Variants in PPP2R2B observed in about 807,000 individuals in gnomAD.
PPP2R2B encodes protein phosphatase 2 regulatory subunit Bbeta.
In PPP2R2B, 5 loss-of-function variants were observed where a neutral mutation model predicts 46.0. The observed-to-expected ratio is 0.11, with a 90% CI of 0.06 to 0.23. The LOEUF is 0.23. PPP2R2B is among the 10% of genes least tolerant of loss of function. The pLI, the probability that PPP2R2B is intolerant of heterozygous loss-of-function variation, is 1.00. For missense variants in PPP2R2B, 367 were observed against 575.0 expected (o/e 0.64, Z 3.70); for synonymous variants, 215 against 206.7 (o/e 1.04, Z -0.34).
chr5:146,744,220 C>T lies in PPP2R2B; in HGVS notation c.71-43078G>A, dbSNP rs187400429. Reference sequence around the variant, plus strand: ...CTCCCACACCATCCCCTGCCCCCACCCTTTTAAATAAAAGAGGTTATTTGT... The same window carrying T: ...CTCCCACACCATCCCCTGCCCCCACTCTTTTAAATAAAAGAGGTTATTTGT... On this transcript the variant is annotated intron_variant, in intron 2 of 9. Coordinates refer to ENST00000394411, the MANE Select transcript of PPP2R2B (RefSeq NM_181675.4). Among the ~76,000 whole-genome samples, 32 of 152,218 alleles carry T rather than the reference C, an allele frequency of 2.1e-4. No homozygotes were observed. The East Asian group carries it at 5.6e-3, about 27-fold the overall frequency.
chr5:146,968,423 G>A (rs1752531452), intron 1 of PPP2R2B, among the ~76,000 whole-genome samples: 1 of 152,166 alleles, frequency 6.6e-6, no homozygotes, highest in Admixed American at 6.5e-5. Flanking sequence ...TAGATACAGT[G>A]GGGTGCTGGT....
upstream of PPP2R2B, among the ~76,000 whole-genome samples, chr5:146,881,113 T>C (rs539312313): frequency 6.6e-6 from 1 of 152,254 alleles, no homozygotes; most frequent in Non-Finnish European, 1.5e-5. Flanking sequence ...GAGATCAGTC[T>C]TCAAAAGACT....
intron 9 of PPP2R2B, among the ~76,000 whole-genome samples, chr5:146,591,658 T>TAAGA (rs1335316571): frequency 3.9e-5 from 4 of 102,818 alleles, no homozygotes; most frequent in East Asian, 5.1e-4. Context: ...TTTAAACAAG[T>TAAGA]AAGAGATTAT....
intron 2 of PPP2R2B, among the ~76,000 whole-genome samples, chr5:146,874,075 C>T (rs542502122): frequency 1.3e-5 from 2 of 152,362 alleles, no homozygotes; most frequent in African/African-American, 2.4e-5. Flanking sequence ...GAGAGGCTGT[C>T]CTTGAACTCC....
chr5:146,673,529 C>T lies in PPP2R2B; in HGVS notation c.447+17599G>A, dbSNP rs74588621. Among the ~76,000 whole-genome samples the T allele has an allele frequency of 4.3e-3, 653 of 151,664 alleles. 5 individuals are homozygous for T. Among genetic ancestry groups the T allele is most frequent in the African/African-American group, 0.014 (580 of 41,138 alleles). On this transcript the variant is annotated intron_variant, in intron 5 of 9. Transcript: ENST00000394411. ...GAAAATAGACATAAAGTCTAATATT[C>T]GATAGTGGATCCTTTAACCTGAGGG... is the stretch of plus-strand genomic sequence containing the variant.
At chr5:146,727,281 A>T (rs1751934234) in intron 2 of PPP2R2B, among the ~76,000 whole-genome samples, 5 of 150,978 alleles carry the variant, frequency 3.3e-5, no homozygotes, top group Admixed American at 3.3e-4. Flanking sequence ...ATGAAGTCTT[A>T]AAGGGTAGGA....
intron 1 of PPP2R2B, among the ~76,000 whole-genome samples, chr5:147,020,510 A>G (rs1386839495): frequency 6.6e-6 from 1 of 152,154 alleles, no homozygotes; most frequent in Non-Finnish European, 1.5e-5. Context: ...GGGTTGCATT[A>G]AAGAAGATAA....
chr5:146,966,694 C>T (rs1752431474), intron 1 of PPP2R2B, among the ~76,000 whole-genome samples: 1 of 152,186 alleles, frequency 6.6e-6, no homozygotes, highest in South Asian at 2.1e-4. Context: ...ATCCCTCGTA[C>T]CTAACACTGG....
chr5:146,889,584 G>A (rs1762430544), intron 1 of PPP2R2B, among the ~76,000 whole-genome samples: 1 of 152,166 alleles, frequency 6.6e-6, no homozygotes, highest in South Asian at 2.1e-4. Context: ...GGAGGGTAAT[G>A]CATCCAACAA....
At chr5:147,008,175 C>T (rs1452052777) in intron 1 of PPP2R2B, among the ~76,000 whole-genome samples, 4 of 152,024 alleles carry the variant, frequency 2.6e-5, no homozygotes, top group African/African-American at 4.8e-5. Flanking sequence ...TTCATTGGAT[C>T]TTGAGAGGGA....
chr5:146,747,322 C>G (rs1288047608), intron 2 of PPP2R2B, among the ~76,000 whole-genome samples: 1 of 152,116 alleles, frequency 6.6e-6, no homozygotes, highest in African/African-American at 2.4e-5. Context: ...CAGCTTTGGG[C>G]CTTAGTCTAC....
At chr5:146,609,907 G>C (rs1486494812) in intron 7 of PPP2R2B, among the ~76,000 whole-genome samples, 1 of 144,852 alleles carries the variant, frequency 6.9e-6, no homozygotes, top group Non-Finnish European at 1.5e-5. Context: ...GTGGCAACGA[G>C]GCTGGGGGAG....
chr5:146,605,185 A>G (rs1390646748), intron 7 of PPP2R2B, among the ~76,000 whole-genome samples: 2 of 152,224 alleles, frequency 1.3e-5, no homozygotes, highest in African/African-American at 4.8e-5. Flanking sequence ...ACTCACAGCT[A>G]GTAGGAACAG....
chr5:146,869,153 T>C (rs1761474649), intron 2 of PPP2R2B, among the ~76,000 whole-genome samples: 1 of 152,214 alleles, frequency 6.6e-6, no homozygotes, highest in African/African-American at 2.4e-5. Context: ...GGTATTCTCA[T>C]TCTCTACATT....
intron 5 of PPP2R2B, among the ~76,000 whole-genome samples, chr5:146,668,602 G>A (rs557781432): frequency 3.5e-4 from 53 of 152,284 alleles, no homozygotes; most frequent in African/African-American, 1.2e-3. Context: ...CTTATGCCTG[G>A]TCTACTTTTA....
rs957575587 is a variant in PPP2R2B, at chr5:146,687,822, T to C, written c.447+3306A>G. ...GAAACAGAACAGGTTCATTACACAG[T>C]AAGGATTAATTAGCTGTCGGGTATT... On this transcript the variant is annotated intron_variant, in intron 5 of 9. Coordinates refer to ENST00000394411, the MANE Select transcript of PPP2R2B (RefSeq NM_181675.4). Among the ~76,000 whole-genome samples, 3 of 152,142 alleles carry C rather than the reference T, an allele frequency of 2.0e-5. No individual in the cohort carries two copies. In the East Asian group the frequency reaches 5.8e-4, roughly 29 times the overall value.
chr5:146,618,606 C>A (rs1313384039), intron 7 of PPP2R2B, among the ~76,000 whole-genome samples: 1 of 152,230 alleles, frequency 6.6e-6, no homozygotes, highest in East Asian at 1.9e-4. Context: ...TATTTCCCTG[C>A]ACCCCAGGGC....
At chr5:146,913,452 A>G (rs529028058) in intron 1 of PPP2R2B, among the ~76,000 whole-genome samples, 36 of 152,368 alleles carry the variant, frequency 2.4e-4, no homozygotes, top group African/African-American at 8.7e-4. Context: ...TATGCTTAGT[A>G]AAAATTGAAA....
At chr5:146,741,647 C>G (rs1752884940) in intron 2 of PPP2R2B, among the ~76,000 whole-genome samples, 1 of 152,186 alleles carries the variant, frequency 6.6e-6, no homozygotes, top group Non-Finnish European at 1.5e-5. Flanking sequence ...CATGCCATCT[C>G]AAGAAGGACT....
Sources: allele counts gnomAD v4.1 joint callset (sites outside exome capture counted in the v4.1 genomes callset), GRCh38; gene constraint gnomAD v4.1.1; transcripts MANE v1.5; gene names NCBI Gene and HGNC (gene_info 2026-07-23, HGNC 2026-07-21).